The following TMEM71 variants were observed in gnomAD, a reference collection of about 807,000 sequenced individuals.
TMEM71 encodes the protein transmembrane protein 71.
Under a neutral mutation model 38.0 loss-of-function variants are expected in TMEM71, and 44 were observed. The ratio of observed to expected loss-of-function variants is 1.16; its 90% confidence interval spans 0.91 to 1.49. The LOEUF is 1.49. Ranked by LOEUF, TMEM71 falls within the 40% of genes most tolerant of loss-of-function variation. TMEM71 has a pLI of 0.00. For synonymous variants in TMEM71, 133 were observed against 122.5 expected, an observed-to-expected ratio of 1.09 and a Z score of -0.56; for missense variants, 367 against 348.6, an observed-to-expected ratio of 1.05 and a Z score of -0.42.
intron 9 of TMEM71, among the ~76,000 whole-genome samples, 190 bp from the exon 10 acceptor site, chr8:132,711,172 T>C (rs966995154): frequency 6.6e-6 from 1 of 152,178 alleles, no homozygotes; most frequent in Non-Finnish European, 1.5e-5. Flanking sequence ...TTTGCTTTTA[T>C]CCCAGCAGTT....
At chr8:132,726,301 T>C (rs1331697879) in intron 6 of TMEM71, among the ~76,000 whole-genome samples, 2 of 151,992 alleles carry the variant, frequency 1.3e-5, no homozygotes, top group Non-Finnish European at 2.9e-5. Flanking sequence ...ATCTAGTAGC[T>C]GCACTAGGAA....
At chr8:132,715,875 T>C (rs1298819101) in intron 7 of TMEM71, among the ~76,000 whole-genome samples, 1 of 152,184 alleles carries the variant, frequency 6.6e-6, no homozygotes, top group Non-Finnish European at 1.5e-5. Context: ...GTGAGAGAAA[T>C]AATTTGTTCT....
At chr8:132,719,401 A>G (rs1169982171) in intron 7 of TMEM71, among the ~76,000 whole-genome samples, 1 of 152,202 alleles carries the variant, frequency 6.6e-6, no homozygotes, top group Non-Finnish European at 1.5e-5. Flanking sequence ...TCCCTAAAAT[A>G]TTGTGTAAAG....
chr8:132,723,889 C>A (rs1227157411), intron 6 of TMEM71, among the ~76,000 whole-genome samples: 1 of 152,126 alleles, frequency 6.6e-6, no homozygotes, highest in Admixed American at 6.5e-5. Flanking sequence ...AAGTGTCAGC[C>A]AGTCTGAGAA....
chr8:132,718,144 A>C (rs1403860596), intron 7 of TMEM71, among the ~76,000 whole-genome samples: 1 of 152,172 alleles, frequency 6.6e-6, no homozygotes, highest in East Asian at 1.9e-4. Flanking sequence ...CAGTGATGCA[A>C]TTGTTATAGA....
upstream of TMEM71, among the ~76,000 whole-genome samples, chr8:132,763,481 A>C (rs995127724): frequency 6.6e-6 from 1 of 152,220 alleles, no homozygotes; most frequent in Admixed American, 6.5e-5. Flanking sequence ...GTTCCACAGA[A>C]TATTCAGTCC....
At chr8:132,711,924 G>A (rs773463025) in intron 9 of TMEM71, among the ~76,000 whole-genome samples, 5 of 151,986 alleles carry the variant, frequency 3.3e-5, no homozygotes, top group Non-Finnish European at 5.9e-5. Context: ...GGAGACTTAT[G>A]AGTCATTCTT....
In TMEM71 at chr8:132,722,158, G is replaced by T. The variant is rs752064858; in HGVS notation, c.677-43C>A. 1.1e-5 allele frequency: 16 copies of T among 1,406,316 alleles called. No homozygotes were observed. The South Asian group carries it at 1.5e-4, about 13-fold the overall frequency. 87.1% of individuals were successfully genotyped at this position (1,406,316 alleles called of 1,614,324 possible). A position where few individuals can be genotyped will look rare whatever the true frequency, so the allele number is the denominator to read the frequency against. ...AACAAATAAATTAGAAATCATTGCT[G>T]ATTCAATCATCTTGGAAGAAAAAAT... On this transcript the variant is annotated intron_variant, in intron 6 of 9. Coordinates refer to ENST00000677595, the MANE Select transcript of TMEM71 (RefSeq NM_001382403.1).
At chr8:132,714,589 C>T (rs1052099233) in intron 7 of TMEM71, among the ~76,000 whole-genome samples, 20 of 152,204 alleles carry the variant, frequency 1.3e-4, no homozygotes, top group South Asian at 2.1e-4. Flanking sequence ...AAATGTAGAT[C>T]GTAAAACTGT....
chr8:132,733,821 TA>T (rs1301960611), intron 5 of TMEM71, among the ~76,000 whole-genome samples: 3 of 151,824 alleles, frequency 2.0e-5, no homozygotes, highest in South Asian at 2.1e-4. Flanking sequence ...TATTCAATCT[TA>T]AAAAAAAGAA....
intron 4 of TMEM71, among the ~76,000 whole-genome samples, chr8:132,749,621 A>T (rs1474172154): frequency 1.3e-5 from 2 of 152,224 alleles, no homozygotes; most frequent in Non-Finnish European, 2.9e-5. Flanking sequence ...TGTTTAGCAG[A>T]GGCATATGAT....
At chr8:132,735,127 T>A (rs575820180) in intron 5 of TMEM71, among the ~76,000 whole-genome samples, 5 of 152,196 alleles carry the variant, frequency 3.3e-5, no homozygotes, top group Non-Finnish European at 7.3e-5. Flanking sequence ...TCCTCTGCTC[T>A]CTTTCAGTAT....
chr8:132,766,810 AT>A, the TMEM71 span, among the ~76,000 whole-genome samples: 53,441 of 141,766 alleles, frequency 0.38, 10,786 homozygotes, highest in Non-Finnish European at 0.43. Context: ...AATAAAAAAG[AT>A]GCTGTTTTCA....
At chr8:132,745,163 A>G (rs1828267521) in intron 5 of TMEM71, among the ~76,000 whole-genome samples, 1 of 152,234 alleles carries the variant, frequency 6.6e-6, no homozygotes, top group Admixed American at 6.5e-5. Flanking sequence ...AACAAAAACA[A>G]AAATTGACAA....
the TMEM71 span, among the ~76,000 whole-genome samples, chr8:132,773,327 A>C: frequency 6.6e-6 from 1 of 152,208 alleles, no homozygotes; most frequent in Non-Finnish European, 1.5e-5. Context: ...AATTCACTGA[A>C]GCTAGGGATC....
chr8:132,742,933 C>T (rs1828127585), intron 5 of TMEM71, among the ~76,000 whole-genome samples: 1 of 152,210 alleles, frequency 6.6e-6, no homozygotes, highest in East Asian at 1.9e-4. Context: ...TCACGTCTTA[C>T]ATGGATGGCA....
chr8:132,724,859 A>T (rs1484493151), intron 6 of TMEM71, among the ~76,000 whole-genome samples: 1 of 152,084 alleles, frequency 6.6e-6, no homozygotes, highest in Admixed American at 6.5e-5. Flanking sequence ...TTATCAACAA[A>T]GTTTTGTTCA....
intron 5 of TMEM71, among the ~76,000 whole-genome samples, chr8:132,739,688 T>G (rs1827937711): frequency 6.6e-6 from 1 of 152,150 alleles, no homozygotes; most frequent in Non-Finnish European, 1.5e-5. Flanking sequence ...ATAATTATAA[T>G]AAATATGATA....
chr8:132,733,641 G>T (rs1004799548), intron 5 of TMEM71, among the ~76,000 whole-genome samples: 1 of 152,172 alleles, frequency 6.6e-6, no homozygotes, highest in Non-Finnish European at 1.5e-5. Flanking sequence ...AGAAAGGAGT[G>T]ACAGAAAATG....
Sources: allele counts gnomAD v4.1 joint callset (sites outside exome capture counted in the v4.1 genomes callset), GRCh38; gene constraint gnomAD v4.1.1; transcripts MANE v1.5; gene names NCBI Gene and HGNC (gene_info 2026-07-23, HGNC 2026-07-21).